TYW1: variants seen among roughly 807,000 people sequenced by gnomAD.
The protein encoded by TYW1 is tRNA-yW synthesizing protein 1 homolog.
Under a neutral mutation model 96.2 loss-of-function variants are expected in TYW1, and 46 were observed. The observed-to-expected ratio is 0.48, with a 90% confidence interval of 0.38 to 0.61. TYW1 has a LOEUF of 0.61. Ranked by LOEUF, TYW1 falls within the 20% of genes least tolerant of loss-of-function variation. TYW1 has a pLI of 0.00. For synonymous variants in TYW1, 274 were observed against 323.0 expected (o/e 0.85, Z 1.63); for missense variants, 684 against 909.6 (o/e 0.75, Z 3.19).
At chr7:67,043,460 T>C (rs1795093240) in intron 7 of TYW1, among the ~76,000 whole-genome samples, 1 of 152,158 alleles carries the variant, frequency 6.6e-6, no homozygotes. Flanking sequence ...ATCATTAATT[T>C]TGGAAATAAA....
intron 7 of TYW1, among the ~76,000 whole-genome samples, chr7:67,035,818 C>T (rs1437745446): frequency 1.3e-5 from 2 of 152,044 alleles, no homozygotes; most frequent in Non-Finnish European, 2.9e-5. Flanking sequence ...GCTGGGACTA[C>T]AGGTGCATGC....
At chr7:67,028,775 T>C (rs1794545113) in intron 7 of TYW1, among the ~76,000 whole-genome samples, 1 of 152,146 alleles carries the variant, frequency 6.6e-6, no homozygotes, top group Non-Finnish European at 1.5e-5. Context: ...CCCAGTTGTA[T>C]GAATTTGCCT....
intron 14 of TYW1, among the ~76,000 whole-genome samples, chr7:67,184,441 G>C (rs1799936551): frequency 6.6e-6 from 1 of 151,994 alleles, no homozygotes; most frequent in African/African-American, 2.4e-5. Context: ...CCAATCAGGA[G>C]TCACATAATG....
Position 67,080,940 on chromosome 7 carries a change from G to GTTTTTTT in TYW1, c.1275-2469_1275-2463dup, listed in dbSNP as rs71049495. ...TGTATATTGTTTTTGCTTTCTTACT[G>GTTTTTTT]TTTTTTTTTTTTTTTTTTTTTTTTT... On this transcript the variant is annotated intron_variant, in intron 10 of 15. Coordinates refer to ENST00000359626, the MANE Select transcript of TYW1 (RefSeq NM_018264.4). 9.9e-4 allele frequency among the ~76,000 whole-genome samples: 37 copies of GTTTTTTT among 37,250 alleles called. 2 individuals are homozygous for GTTTTTTT. Among genetic ancestry groups the GTTTTTTT allele is most frequent in the Admixed American group, 1.1e-3 (3 of 2,680 alleles). The allele number at this position is 37,250 out of a possible 152,430, so 24.4% of individuals were successfully genotyped here.
In TYW1 at chr7:67,193,794, A is replaced by T. The variant is rs140833775; in HGVS notation, c.1810-1376A>T. Among the ~76,000 whole-genome samples the T allele has an allele frequency of 1.7e-3, 251 of 148,282 alleles. 1 individual carries two copies. The highest frequency in any genetic ancestry group is 6.0e-3 in the African/African-American group (237 of 39,530). On this transcript the variant is annotated intron_variant, in intron 14 of 15. Coordinates refer to ENST00000359626, the MANE Select transcript of TYW1 (RefSeq NM_018264.4). ...AAAAAAAAATTCAGTGTCATTCTGCATTCTCCAGTTTGTCTGTGGTGTGTG... is the reference window on the plus strand; with the variant it reads ...AAAAAAAAATTCAGTGTCATTCTGCTTTCTCCAGTTTGTCTGTGGTGTGTG...
At chr7:67,132,251 A>G (rs1405257325) in intron 13 of TYW1, among the ~76,000 whole-genome samples, 2 of 150,812 alleles carry the variant, frequency 1.3e-5, no homozygotes, top group Admixed American at 6.6e-5. Flanking sequence ...GCTAGAGACA[A>G]TAGGTGTCCG....
chr7:67,123,829 A>C (rs995318393), intron 13 of TYW1, among the ~76,000 whole-genome samples: 1 of 152,270 alleles, frequency 6.6e-6, no homozygotes, highest in African/African-American at 2.4e-5. Context: ...AAGTAAAGGT[A>C]TGACAAAAAA....
chr7:67,072,943 T>G (rs1263735945), intron 10 of TYW1, among the ~76,000 whole-genome samples: 2 of 112,394 alleles, frequency 1.8e-5, no homozygotes, highest in South Asian at 2.9e-4. Flanking sequence ...AGTTTTTTTT[T>G]TTTTTTTTTT....
At chr7:67,109,342 T>C (rs1797335156) in intron 12 of TYW1, among the ~76,000 whole-genome samples, 1 of 144,974 alleles carries the variant, frequency 6.9e-6, no homozygotes, top group Admixed American at 6.8e-5. Context: ...AAACAAAATA[T>C]GTGGGTTGGA....
At chr7:67,087,823 A>G (rs1255929723) in intron 11 of TYW1, among the ~76,000 whole-genome samples, 1 of 152,126 alleles carries the variant, frequency 6.6e-6, no homozygotes, top group Non-Finnish European at 1.5e-5. Flanking sequence ...ACGTAGGCAT[A>G]AGGGAGCCTC....
intron 15 of TYW1, among the ~76,000 whole-genome samples, chr7:67,206,166 CTTTA>C (rs1020100452): frequency 5.3e-5 from 8 of 152,112 alleles, no homozygotes; most frequent in Admixed American, 2.0e-4. Flanking sequence ...AACTCATTTT[CTTTA>C]TTTAATTGAA....
At chr7:67,076,524 G>GCCCA (rs1199587444) in intron 10 of TYW1, among the ~76,000 whole-genome samples, 14 of 151,912 alleles carry the variant, frequency 9.2e-5, no homozygotes, top group African/African-American at 3.4e-4. Context: ...TGCCCAGGCT[G>GCCCA]GAGTGCAGTG....
intron 7 of TYW1, among the ~76,000 whole-genome samples, chr7:67,047,130 A>G (rs184804434): frequency 6.2e-4 from 94 of 152,272 alleles, no homozygotes; most frequent in Admixed American, 5.6e-3. Flanking sequence ...TCAATTTTTT[A>G]CATGATTTGT....
At chr7:67,006,291 C>G (rs571362322) in intron 3 of TYW1, among the ~76,000 whole-genome samples, 2 of 152,176 alleles carry the variant, frequency 1.3e-5, no homozygotes, top group East Asian at 3.9e-4. Context: ...TGTGCCTGCC[C>G]CTCCTTTGCC....
At chr7:67,034,446 T>C (rs868752189) in intron 7 of TYW1, among the ~76,000 whole-genome samples, 45 of 152,276 alleles carry the variant, frequency 3.0e-4, no homozygotes, top group South Asian at 2.7e-3. Flanking sequence ...TTTTAAAATT[T>C]CACAGACAGC....
chr7:67,157,832 T>C (rs1247641389), intron 13 of TYW1, among the ~76,000 whole-genome samples: 1 of 152,194 alleles, frequency 6.6e-6, no homozygotes, highest in Admixed American at 6.5e-5. Context: ...ATTTTTCTGA[T>C]ACTTTTCTTG....
intron 10 of TYW1, among the ~76,000 whole-genome samples, chr7:67,077,134 T>C (rs1406187696): frequency 2.0e-5 from 3 of 152,220 alleles, no homozygotes; most frequent in Admixed American, 1.3e-4. Flanking sequence ...ATTTCCTTTA[T>C]CCATTTATCT....
intron 13 of TYW1, among the ~76,000 whole-genome samples, chr7:67,128,498 T>A (rs555514543): frequency 1.3e-5 from 2 of 152,338 alleles, no homozygotes; most frequent in African/African-American, 4.8e-5. Flanking sequence ...CCCTGCCGTG[T>A]CAGAGCCTGG....
chr7:67,135,721 GGC>G (rs1798234693), intron 13 of TYW1, among the ~76,000 whole-genome samples: 1 of 151,836 alleles, frequency 6.6e-6, no homozygotes, highest in African/African-American at 2.4e-5. Flanking sequence ...TCTAGCACCT[GGC>G]CAGCAAATCC....
Sources: gnomAD v4.1 joint callset for allele counts (sites outside exome capture counted in the v4.1 genomes callset) on GRCh38, gnomAD v4.1.1 for gene constraint, MANE v1.5 for transcripts, NCBI Gene and HGNC (gene_info 2026-07-23, HGNC 2026-07-21) for gene names.